Variants in ROBO3 observed in about 807,000 individuals in gnomAD.
ROBO3 encodes roundabout homolog 3.
In ROBO3, 97 loss-of-function variants were observed where a neutral mutation model predicts 160.5. The ratio of observed to expected loss-of-function variants is 0.60; its 90% CI spans 0.51 to 0.72. ROBO3 has a LOEUF of 0.72. Among genes scored for constraint, ROBO3 ranks in the 30% least tolerant of loss-of-function variants. The pLI, the probability that ROBO3 is intolerant of heterozygous loss-of-function variation, is 0.00. For missense variants in ROBO3, 1,858 were observed against 1,846.5 expected (o/e 1.01, Z -0.11); for synonymous variants, 780 against 746.2 (o/e 1.05, Z -0.74).
At position 124,874,064 on chromosome 11, in the gene ROBO3, T is replaced by G; in HGVS notation, c.1785-6T>G. On this transcript the variant is annotated splice_polypyrimidine_tract_variant and splice_region_variant and intron_variant, in intron 11 of 27. Transcript: ENST00000397801. ...AGACAACCCTGTCATCTCCTTCTTG[T>G]TGTAGCCCAGCAGCTGGCAACACAT... The G allele has an allele frequency of 6.2e-7, 1 of 1,613,874 alleles. No individual in the cohort carries two copies. Among genetic ancestry groups the G allele is most frequent in the South Asian group, 1.1e-5 (1 of 91,066 alleles).
rs182911579 is a variant in ROBO3, at chr11:124,873,966, G to C, written c.1784+104G>C. On this transcript the variant is annotated intron_variant, in intron 11 of 27. Coordinates refer to ENST00000397801, the MANE Select transcript of ROBO3 (RefSeq NM_022370.4). This position sits in a 1 kb window ranked among gnomAD's most constrained non-coding sequence, Gnocchi z 4.5. Reference sequence around the variant, plus strand: ...AGGTGGGATTCTCCAGTACCCTCTTGCAAGGGGAAGACATAATGGTCGTTC... The same window carrying C: ...AGGTGGGATTCTCCAGTACCCTCTTCCAAGGGGAAGACATAATGGTCGTTC... The C allele has an allele frequency of 2.0e-4, 317 of 1,581,226 alleles. 3 individuals carry two copies. The South Asian group carries it at 2.3e-3, about 11-fold the overall frequency.
rs1432654850 is a variant in ROBO3 at position 124,865,432 on chromosome 11, G to T, written c.-146G>T. The T allele has an allele frequency of 4.0e-6, 3 of 749,730 alleles. No homozygotes were observed. Among genetic ancestry groups the T allele is most frequent in the Non-Finnish European group, 4.3e-6 (2 of 467,014 alleles). The allele number at this position is 749,730 out of a possible 1,614,324, so 46.4% of individuals were successfully genotyped here. The stretch of plus-strand genomic sequence containing the variant: ...AGGAGGGCACGAAGAGGCACCGACC[G>T]TACCCAGGCGCACCGGCAGGAGAGC... On this transcript the variant is annotated 5_prime_UTR_variant, in exon 1 of 28. Transcript: ENST00000397801. The surrounding 1 kb of genome is among the most constrained non-coding windows in gnomAD (Gnocchi z 5.5).
At position 124,876,164 on chromosome 11, in the gene ROBO3, G is replaced by A; in HGVS notation, c.2593+39G>A. ...AGGGCAGTGCTGAGGATCTTGACGG[G>A]GGCGGGGCAAGCCCCCCACTGGGGT... On this transcript the variant is annotated intron_variant, in intron 16 of 27. Transcript: ENST00000397801. This position sits in a 1 kb window ranked among gnomAD's most constrained non-coding sequence, Gnocchi z 5.3. 6.4e-7 allele frequency: 1 copy of A among 1,561,780 alleles called. No individual in the cohort carries two copies. The highest frequency in any genetic ancestry group is 8.6e-7 in the Non-Finnish European group (1 of 1,158,958).
At chr11:124,880,363 C>T (rs1165095409) in intron 26 of ROBO3, 55 bp from the exon 27 acceptor site, 2 of 1,600,026 alleles carry the variant, frequency 1.2e-6, no homozygotes, top group African/African-American at 2.7e-5. Flanking sequence ...GGGTGGGTGA[C>T]AGGGAAGTTC....
chr11:124,874,045 C>A, intron 11 of ROBO3, 25 bp from the exon 12 acceptor site: 2 of 1,613,304 alleles, frequency 1.2e-6, no homozygotes, highest in Non-Finnish European at 1.7e-6. Flanking sequence ...GCTTAGACAA[C>A]CCTGTCATCT....
At position 124,879,226 on chromosome 11, in the gene ROBO3, A is replaced by G. The variant is rs756286591; in HGVS notation, c.3570A>G (p.Val1190=). 2.4e-5 allele frequency: 37 copies of G among 1,555,052 alleles called. No individual in the cohort carries two copies. In the South Asian group the frequency reaches 4.4e-4, roughly 18 times the overall value. The change falls in exon 24 of 28, where the codon GTA becomes GTG. Residue 1190 remains valine (V), a synonymous_variant. Coordinates refer to ENST00000397801, the MANE Select transcript of ROBO3 (RefSeq NM_022370.4). ...VPLGPSSPLS[V]SQPMLGIREA... ...TTGGGCCGAGTTCCCCTCTCAGTGT[A>G]TCCCAGCCCATGCTGGGCATCCGTG...
In ROBO3 at chr11:124,877,993, G is replaced by A. The variant is rs749098932; in HGVS notation, c.3043G>A (p.Glu1015Lys). The A allele has an allele frequency of 1.2e-6, 2 of 1,611,588 alleles. No individual in the cohort carries two copies. Among genetic ancestry groups the A allele is most frequent in the East Asian group, 2.2e-5 (1 of 44,826 alleles). Residue 1015 changes from glutamate to lysine, a missense_variant, in exon 21 of 28, where the codon GAG becomes AAG. Glu to Lys is a moderately conservative substitution (Grantham distance 56). Transcript: ENST00000397801. Reference sequence around the variant, plus strand: ...GGCCAGGGGCACGGCCGCCCCTGGCGAGGGTCCTGTCTATAGCACCATTGA... The same window carrying A: ...GGCCAGGGGCACGGCCGCCCCTGGCAAGGGTCCTGTCTATAGCACCATTGA... ...QTARGTAAPG[E>K]GPVYSTIDPA...
At chr11:124,867,159 G>A (rs1003941484) in intron 1 of ROBO3, among the ~76,000 whole-genome samples, 1 of 152,106 alleles carries the variant, frequency 6.6e-6, no homozygotes, top group Non-Finnish European at 1.5e-5. Flanking sequence ...ACACCTGAGG[G>A]CTATACCAAG....
At position 124,875,969 on chromosome 11, in the gene ROBO3, A is replaced by C. The variant is rs531398668; in HGVS notation, c.2437A>C (p.Asn813His). 2 of 1,599,044 alleles carry C rather than the reference A, an allele frequency of 1.3e-6. No individual in the cohort carries two copies. Among genetic ancestry groups the C allele is most frequent in the South Asian group, 1.1e-5 (1 of 88,012 alleles). The change falls in exon 16 of 28, where the codon AAT becomes CAT. Residue 813 changes from asparagine (N) to histidine (H), a missense_variant. Physicochemically the swap from Asn to His is moderately conservative, Grantham distance 68. Coordinates refer to ENST00000397801, the MANE Select transcript of ROBO3 (RefSeq NM_022370.4). ...GCCTCCCTAGATCTGGTGCCTGGGC[A>C]ATGAGAGCCGCTTTCACCTCAATCG... is the stretch of plus-strand genomic sequence containing the variant. ...ITEYQIWCLG[N>H]ESRFHLNRSA...
chr11:124,877,196 C>G lies in ROBO3; in HGVS notation c.2803+12C>G. 1.2e-6 allele frequency: 2 copies of G among 1,613,992 alleles called. No homozygotes were observed. Among genetic ancestry groups the G allele is most frequent in the Non-Finnish European group, 1.7e-6 (2 of 1,179,876 alleles). On this transcript the variant is annotated intron_variant, in intron 18 of 27. Transcript: ENST00000397801. The stretch of plus-strand genomic sequence containing the variant: ...CTACACACCGGCAGGTAAGCCATCT[C>G]TGCCCCAGTGGGGTTCAGACCCCCC...
Position 124,869,541 on chromosome 11 carries a change from C to A in ROBO3, c.579C>A (p.His193Gln), listed in dbSNP as rs900952885. The change falls in exon 3 of 28, where the codon CAC (histidine) becomes CAA (glutamine). Residue 193 changes from histidine to glutamine, a missense_variant. Physicochemically the swap from His to Gln is conservative, Grantham distance 24. Transcript: ENST00000397801. This position sits in a 1 kb window ranked among gnomAD's most constrained non-coding sequence, Gnocchi z 4.2. ...TGGAATGCGTGCCCCCCCGCGGCCACCCGGAGCCTTCCGTGTCCTGGAGGA... is the reference window on the plus strand; with the variant it reads ...TGGAATGCGTGCCCCCCCGCGGCCAACCGGAGCCTTCCGTGTCCTGGAGGA... ...AVLECVPPRG[H>Q]PEPSVSWRKD... is the part of the protein sequence containing the mutation. 1 of 1,565,512 alleles carries A rather than the reference C, an allele frequency of 6.4e-7. No homozygotes were observed. The highest frequency in any genetic ancestry group is 8.7e-7 in the Non-Finnish European group (1 of 1,155,034).
At chr11:124,875,872 C>T in intron 15 of ROBO3, 82 bp from the exon 16 acceptor site, 2 of 1,510,500 alleles carry the variant, frequency 1.3e-6, no homozygotes, top group Non-Finnish European at 1.8e-6. Context: ...TATAAGGCTT[C>T]TCTACCATTT....
At chr11:124,874,292 C>A (rs1329735228) in intron 12 of ROBO3, 56 bp downstream of exon 12, 6 of 1,510,248 alleles carry the variant, frequency 4.0e-6, no homozygotes, top group Non-Finnish European at 5.4e-6. Flanking sequence ...TAAAGCAACC[C>A]TCTCCCCCAA....
chr11:124,870,645 GT>G lies in ROBO3; in HGVS notation c.951del (p.Ser317ArgfsTer34). ...SDHSLWIGHV[S>X]AEDEGTYTCV... is the part of the protein sequence containing the mutation. ...CACAGCCTTTGGATTGGGCATGTGA[GT>G]GCCGAAGATGAGGGAACGTACACCT... On this transcript the variant is annotated frameshift_variant, in exon 6 of 28. Transcript: ENST00000397801. LOFTEE classifies it high-confidence loss of function. The G allele has an allele frequency of 6.2e-7, 1 of 1,613,666 alleles. No individual in the cohort carries two copies. Among genetic ancestry groups the G allele is most frequent in the Non-Finnish European group, 8.5e-7 (1 of 1,179,806 alleles).
chr11:124,879,328 C>T lies in ROBO3; in HGVS notation c.3672C>T (p.Ala1224=). 1 of 1,609,084 alleles carries T rather than the reference C, an allele frequency of 6.2e-7. No homozygotes were observed. The highest frequency in any genetic ancestry group is 8.5e-7 in the Non-Finnish European group (1 of 1,177,134). The change falls in exon 24 of 28, where the codon GCC becomes GCT. Residue 1224 remains alanine, a synonymous_variant. Transcript: ENST00000397801. ...HLSPSPAPST[A]SSAPGRTWQG... Reference sequence around the variant, plus strand: ...GCCCCAGTCCTGCCCCTAGCACAGCCAGCAGTGCCCCAGGTAAGTCTCTAC... The same window carrying T: ...GCCCCAGTCCTGCCCCTAGCACAGCTAGCAGTGCCCCAGGTAAGTCTCTAC...
At chr11:124,870,538 C>T in intron 5 of ROBO3, 63 bp from the exon 6 acceptor site, 2 of 1,609,122 alleles carry the variant, frequency 1.2e-6, no homozygotes, top group South Asian at 2.2e-5. Context: ...GGTGTCTGTC[C>T]TGGGGGAGAG....
In ROBO3 at chr11:124,869,673, G is replaced by C; in HGVS notation, c.645+66G>C. On this transcript the variant is annotated intron_variant, in intron 3 of 27. Coordinates refer to ENST00000397801, the MANE Select transcript of ROBO3 (RefSeq NM_022370.4). This position sits in a 1 kb window ranked among gnomAD's most constrained non-coding sequence, Gnocchi z 4.2. ...GGACATAGGGTAGGGAGGTGACAAGGCTGGAGATTGAGATCAGGGCATTAG... is the reference window on the plus strand; with the variant it reads ...GGACATAGGGTAGGGAGGTGACAAGCCTGGAGATTGAGATCAGGGCATTAG... 6.8e-7 allele frequency: 1 copy of C among 1,473,726 alleles called. No homozygotes were observed. The highest frequency in any genetic ancestry group is 9.1e-7 in the Non-Finnish European group (1 of 1,099,110). The allele number at this position is 1,473,726 out of a possible 1,614,324, so 91.3% of individuals were successfully genotyped here.
chr11:124,879,318 C>T lies in ROBO3; in HGVS notation c.3662C>T (p.Pro1221Leu), dbSNP rs760753687. ...ASPHLSPSPA[P>L]STASSAPGRT... ...CCCCACCTCAGCCCCAGTCCTGCCC[C>T]TAGCACAGCCAGCAGTGCCCCAGGT... Residue 1221 changes from proline (P) to leucine (L), a missense_variant, in exon 24 of 28, where the codon CCT becomes CTT. Pro to Leu is a moderately conservative substitution (Grantham distance 98). Transcript: ENST00000397801. 9 of 1,608,888 alleles carry T rather than the reference C, an allele frequency of 5.6e-6. No individual in the cohort carries two copies. Among genetic ancestry groups the T allele is most frequent in the Middle Eastern group, 1.7e-4 (1 of 6,060 alleles).
intron 1 of ROBO3, among the ~76,000 whole-genome samples, chr11:124,867,703 G>C (rs537889151): frequency 1.4e-4 from 22 of 151,948 alleles, no homozygotes; most frequent in Non-Finnish European, 2.6e-4. Context: ...TTCTAAGAGG[G>C]GGGGCAGGAA....
Sources: allele counts gnomAD v4.1 joint callset (sites outside exome capture counted in the v4.1 genomes callset), GRCh38; gene constraint gnomAD v4.1.1; non-coding constraint Gnocchi (gnomAD v3.1); transcripts MANE v1.5; gene names NCBI Gene and HGNC (gene_info 2026-07-23, HGNC 2026-07-21).